DDHD1: variants seen among roughly 807,000 people sequenced by gnomAD.
The protein encoded by DDHD1 is phospholipase DDHD1.
DDHD1 carries 49 observed loss-of-function variants against 96.4 expected under a neutral mutation model. The ratio of observed to expected loss-of-function variants is 0.51; its 90% CI spans 0.40 to 0.64. The LOEUF (loss-of-function observed/expected upper bound fraction) is 0.64, where lower values mean the gene tolerates loss of function less well. DDHD1 is among the 30% of genes least tolerant of loss of function. The pLI is 0.00. For missense variants in DDHD1, 1,106 were observed against 1,161.2 expected (o/e 0.95, Z 0.69); for synonymous variants, 442 against 446.5 (o/e 0.99, Z 0.13).
intron 1 of DDHD1, among the ~76,000 whole-genome samples, chr14:53,119,147 A>G (rs1419495540): frequency 2.0e-5 from 3 of 152,236 alleles, no homozygotes; most frequent in Admixed American, 1.3e-4. Context: ...CTGCCTTACA[A>G]GAGCTCCTGA....
At position 53,043,068 on chromosome 14, in the gene DDHD1, A is replaced by C. The variant is rs1881764243; in HGVS notation, c.*3700T>G. 1 of 152,202 alleles carries C rather than the reference A, an allele frequency of 6.6e-6. No individual in the cohort carries two copies. The allele number at this position is 152,202 out of a possible 1,614,324, so 9.4% of individuals were successfully genotyped here. A position where few individuals can be genotyped will look rare whatever the true frequency, so the allele number is the denominator to read the frequency against. ...CACTGGAAGGGGCTCATGTACTATC[A>C]CTGGAATGAACAGAGGCACTAGCTG... On this transcript the variant is annotated 3_prime_UTR_variant, in exon 13 of 13. Transcript: ENST00000673822.
At chr14:53,152,207 C>A in intron 1 of DDHD1, 54 bp downstream of exon 1, 1 of 1,503,536 alleles carries the variant, frequency 6.7e-7, no homozygotes, top group Non-Finnish European at 8.9e-7. Flanking sequence ...CACCGGTGCG[C>A]ATCGGCCCAT....
Position 53,074,784 on chromosome 14 carries a change from C to T in DDHD1, c.1290-937G>A, listed in dbSNP as rs571104920. Among the ~76,000 whole-genome samples, 141 of 152,160 alleles carry T rather than the reference C, an allele frequency of 9.3e-4. 1 individual carries two copies. The highest frequency in any genetic ancestry group is 6.8e-3 in the Middle Eastern group (2 of 294). ...AAAAAATTGCACTCTGCAGATATTG[C>T]CTTTTTCTCCACTTTTTAAAAAACT... is the stretch of plus-strand genomic sequence containing the variant. On this transcript the variant is annotated intron_variant, in intron 4 of 12. Coordinates refer to ENST00000673822, the MANE Select transcript of DDHD1 (RefSeq NM_001160148.2).
chr14:53,098,153 T>G (rs1887027822), intron 2 of DDHD1, among the ~76,000 whole-genome samples: 1 of 152,032 alleles, frequency 6.6e-6, no homozygotes, highest in African/African-American at 2.4e-5. Context: ...TTAATTTTCT[T>G]TTTTTAAAAT....
rs555730747 is a variant in DDHD1 at position 53,040,684 on chromosome 14, A to C, written c.*6084T>G. The C allele has an allele frequency of 6.6e-6, 1 of 152,354 alleles. No homozygotes were observed. The highest frequency in any genetic ancestry group is 2.4e-5 in the African/African-American group (1 of 41,588). 9.4% of individuals were successfully genotyped at this position (152,354 alleles called of 1,614,324 possible). On this transcript the variant is annotated 3_prime_UTR_variant, in exon 13 of 13. Coordinates refer to ENST00000673822, the MANE Select transcript of DDHD1 (RefSeq NM_001160148.2). ...TGATCACTGCAGAGAGAAAACAGAA[A>C]TAATGCATGCTTCAGTAAAACTGAA...
chr14:53,130,108 C>T (rs1004966910), intron 1 of DDHD1, among the ~76,000 whole-genome samples: 3 of 152,062 alleles, frequency 2.0e-5, no homozygotes, highest in African/African-American at 4.8e-5. Flanking sequence ...GGCTGCTCCT[C>T]GCCAGGCTGA....
chr14:53,108,911 G>A (rs1052819257), intron 1 of DDHD1, among the ~76,000 whole-genome samples: 3 of 152,100 alleles, frequency 2.0e-5, no homozygotes, highest in Non-Finnish European at 4.4e-5. Context: ...GCTTTTTTGG[G>A]GAGAAGTTTT....
At chr14:53,142,377 A>G (rs1472378550) in intron 1 of DDHD1, among the ~76,000 whole-genome samples, 5 of 151,896 alleles carry the variant, frequency 3.3e-5, no homozygotes. Flanking sequence ...CTGCAGATCA[A>G]TTAAGAGGAT....
intron 4 of DDHD1, among the ~76,000 whole-genome samples, chr14:53,079,431 C>T (rs1271939882): frequency 2.6e-5 from 4 of 152,128 alleles, no homozygotes; most frequent in Admixed American, 2.0e-4. Context: ...ATTTCTTCCT[C>T]GTTACCAGAT....
intron 1 of DDHD1, among the ~76,000 whole-genome samples, chr14:53,125,998 G>C (rs1006742526): frequency 3.9e-5 from 6 of 152,116 alleles, no homozygotes; most frequent in African/African-American, 9.7e-5. Flanking sequence ...ACCGCGCCCA[G>C]CAAAGATGGA....
chr14:53,048,338 G>GTTTT (rs34204835), intron 12 of DDHD1, among the ~76,000 whole-genome samples: 2 of 130,480 alleles, frequency 1.5e-5, no homozygotes, highest in Non-Finnish European at 3.3e-5. Flanking sequence ...TTTTTGGGCT[G>GTTTT]TTTTTTTTTT....
chr14:53,079,956 C>T (rs1294225084), intron 4 of DDHD1, among the ~76,000 whole-genome samples: 4 of 152,162 alleles, frequency 2.6e-5, no homozygotes, highest in Non-Finnish European at 5.9e-5. Context: ...GCCACATACT[C>T]GTTTTCATTG....
intron 1 of DDHD1, among the ~76,000 whole-genome samples, chr14:53,132,319 C>T (rs1445361771): frequency 1.3e-5 from 2 of 152,154 alleles, no homozygotes; most frequent in African/African-American, 4.8e-5. Flanking sequence ...ATTCCTGATA[C>T]CACACATGAC....
Position 53,152,906 on chromosome 14 carries a change from G to T in DDHD1, c.193C>A (p.Leu65Met). Reference sequence around the variant, plus strand: ...TCGTCGGTGCCCGGCGCCAAATGCAGCCCGGGTTCCCCGCGCAGCAGGGCC... The same window carrying T: ...TCGTCGGTGCCCGGCGCCAAATGCATCCCGGGTTCCCCGCGCAGCAGGGCC... The part of the protein sequence containing the change: ...PLALLRGEPG[L>M]HLAPGTDDHN... The change falls in exon 1 of 13, where the codon CTG (leucine) becomes ATG (methionine). Residue 65 changes from leucine to methionine, a missense_variant. Transcript: ENST00000673822. The T allele has an allele frequency of 6.2e-7, 1 of 1,608,482 alleles. No homozygotes were observed. Among genetic ancestry groups the T allele is most frequent in the Admixed American group, 1.7e-5 (1 of 59,552 alleles).
At chr14:53,119,989 A>G (rs1055258252) in intron 1 of DDHD1, among the ~76,000 whole-genome samples, 2 of 152,220 alleles carry the variant, frequency 1.3e-5, no homozygotes, top group African/African-American at 4.8e-5. Context: ...AGGGTATTCA[A>G]ATAGGAAGAG....
At chr14:53,079,560 T>C (rs976135092) in intron 4 of DDHD1, among the ~76,000 whole-genome samples, 3 of 152,248 alleles carry the variant, frequency 2.0e-5, no homozygotes, top group African/African-American at 2.4e-5. Context: ...GAATTGTGCA[T>C]AGTATTCCCT....
At chr14:53,119,329 T>C (rs1184785541) in intron 1 of DDHD1, among the ~76,000 whole-genome samples, 1 of 152,160 alleles carries the variant, frequency 6.6e-6, no homozygotes, top group Non-Finnish European at 1.5e-5. Context: ...ACCTTAAATG[T>C]AAATGGGCTA....
rs550711600 is a variant in DDHD1, at chr14:53,070,436, A to G, written c.1503+2161T>C. On this transcript the variant is annotated intron_variant, in intron 6 of 12. Transcript: ENST00000673822. ...AATCATTTCAAGACCACTTAATTCT[A>G]TCATATTTTGAATCCATCTCTTCTC... Among the ~76,000 whole-genome samples the G allele has an allele frequency of 1.1e-3, 172 of 152,274 alleles. 1 individual carries two copies. The highest frequency in any genetic ancestry group is 3.9e-3 in the African/African-American group (164 of 41,562).
intron 2 of DDHD1, among the ~76,000 whole-genome samples, chr14:53,102,247 A>G (rs997043156): frequency 2.6e-5 from 4 of 152,106 alleles, no homozygotes; most frequent in Non-Finnish European, 5.9e-5. Flanking sequence ...GAAATATTTC[A>G]GTCACTACCA....
Sources: allele counts gnomAD v4.1 joint callset (sites outside exome capture counted in the v4.1 genomes callset), GRCh38; gene constraint gnomAD v4.1.1; transcripts MANE v1.5; gene names NCBI Gene and HGNC (gene_info 2026-07-23, HGNC 2026-07-21).